Variants in RCAN2 observed in about 807,000 individuals in gnomAD.
The protein encoded by RCAN2 is calcipressin-2.
In RCAN2, 9 loss-of-function variants were observed where a neutral mutation model predicts 23.6. The observed-to-expected ratio is 0.38, with a 90% CI of 0.23 to 0.67. RCAN2 has a LOEUF of 0.67. Among genes scored for constraint, RCAN2 ranks in the 30% least tolerant of loss-of-function variants. RCAN2 has a pLI of 0.51. For synonymous variants in RCAN2, 109 were observed against 115.7 expected (o/e 0.94, Z 0.37); for missense variants, 273 against 302.3 (o/e 0.90, Z 0.72).
At chr6:46,472,017 G>T (rs1208761911) in intron 1 of RCAN2, among the ~76,000 whole-genome samples, 1 of 152,160 alleles carries the variant, frequency 6.6e-6, no homozygotes, top group East Asian at 1.9e-4. Context: ...GCATTGTTCT[G>T]TAAGGAAGTG....
intron 2 of RCAN2, among the ~76,000 whole-genome samples, chr6:46,281,181 G>C (rs1436857255): frequency 6.6e-6 from 1 of 152,130 alleles, no homozygotes; most frequent in African/African-American, 2.4e-5. Flanking sequence ...TGGCAGTAGG[G>C]AATTAGCTTG....
rs1766607442 is a variant in RCAN2, at chr6:46,248,752, C to T, written c.370G>A (p.Gly124Arg). The T allele has an allele frequency of 6.2e-7, 1 of 1,610,198 alleles. No homozygotes were observed. Among genetic ancestry groups the T allele is most frequent in the South Asian group, 1.1e-5 (1 of 90,052 alleles). Residue 124 changes from glycine to arginine, a missense_variant, in exon 3 of 5, where the codon GGG becomes AGG. By Grantham distance (125) the Gly-to-Arg change is moderately radical (BLOSUM62 -2). Coordinates refer to ENST00000371374, the MANE Select transcript of RCAN2 (RefSeq NM_001251974.2). The part of the protein sequence containing the change: ...RIELHETQFR[G>R]KKLKLYFAQV... ...GCAAAGTAGAGCTTTAATTTTTTCC[C>T]TCTGAATTGGGTTTCATGAAGCTCT...
Position 46,484,132 on chromosome 6 carries a change from C to A in RCAN2, c.-3+7041G>T, listed in dbSNP as rs561580450. On this transcript the variant is annotated intron_variant, in intron 1 of 4. Coordinates refer to ENST00000371374, the MANE Select transcript of RCAN2 (RefSeq NM_001251974.2). ...AAATAATCAATTAAATTAATCTAGC[C>A]TGACTTTCAGACAAATTTATGGGGG... Among the ~76,000 whole-genome samples, 4 of 152,290 alleles carry A rather than the reference C, an allele frequency of 2.6e-5. No homozygotes were observed. In the South Asian group the frequency reaches 8.3e-4, roughly 32 times the overall value.
intron 2 of RCAN2, among the ~76,000 whole-genome samples, chr6:46,387,469 T>A (rs932504843): frequency 6.6e-6 from 1 of 152,066 alleles, no homozygotes; most frequent in Non-Finnish European, 1.5e-5. Context: ...TCTCAAAAGA[T>A]GACATTTATG....
intron 2 of RCAN2, among the ~76,000 whole-genome samples, chr6:46,370,065 C>T (rs1376520376): frequency 6.6e-6 from 1 of 152,134 alleles, no homozygotes; most frequent in Non-Finnish European, 1.5e-5. Flanking sequence ...GTTAACAGCT[C>T]TTAACTGACC....
rs796909756 is a variant in RCAN2, at chr6:46,339,238, G to T, written c.226-90342C>A. On this transcript the variant is annotated intron_variant, in intron 2 of 4. Coordinates refer to ENST00000371374, the MANE Select transcript of RCAN2 (RefSeq NM_001251974.2). ...GAAATGAAAAATTATAATATGATGT[G>T]GTATTATGTAATATACTATAAATTA... 8.3e-4 allele frequency among the ~76,000 whole-genome samples: 125 copies of T among 151,464 alleles called. 2 individuals carry two copies. The highest frequency in any genetic ancestry group is 2.8e-3 in the African/African-American group (117 of 41,252).
chr6:46,355,561 C>T (rs1764804888), intron 2 of RCAN2, among the ~76,000 whole-genome samples: 1 of 152,206 alleles, frequency 6.6e-6, no homozygotes, highest in Admixed American at 6.5e-5. Context: ...TCAGCTCAGA[C>T]CCTACAGCTT....
At chr6:46,439,670 G>A (rs1767473567) in intron 2 of RCAN2, among the ~76,000 whole-genome samples, 2 of 152,186 alleles carry the variant, frequency 1.3e-5, no homozygotes, top group African/African-American at 4.8e-5. Flanking sequence ...CACTTGAGCT[G>A]AAAGCCTGGT....
At chr6:46,326,371 AC>A (rs1182398530) in intron 2 of RCAN2, among the ~76,000 whole-genome samples, 2 of 152,204 alleles carry the variant, frequency 1.3e-5, no homozygotes, top group Non-Finnish European at 2.9e-5. Context: ...GGGCAAACTC[AC>A]TGATGTGTCT....
intron 2 of RCAN2, among the ~76,000 whole-genome samples, chr6:46,418,979 T>C (rs545417394): frequency 2.0e-5 from 3 of 151,736 alleles, no homozygotes; most frequent in Admixed American, 2.0e-4. Context: ...TCCTAGCTAC[T>C]TGGGAAGCGG....
chr6:46,353,586 A>C (rs1010587717), intron 2 of RCAN2, among the ~76,000 whole-genome samples: 2 of 152,200 alleles, frequency 1.3e-5, no homozygotes, highest in Non-Finnish European at 2.9e-5. Flanking sequence ...TGTTATGGTT[A>C]CAAATGTCCC....
chr6:46,321,251 C>T (rs1057402492), intron 2 of RCAN2, among the ~76,000 whole-genome samples: 5 of 152,208 alleles, frequency 3.3e-5, no homozygotes, highest in Non-Finnish European at 7.3e-5. Flanking sequence ...GTTCATAGCC[C>T]TCATCACTAG....
chr6:46,334,085 G>C (rs956031656), intron 2 of RCAN2, among the ~76,000 whole-genome samples: 1 of 152,114 alleles, frequency 6.6e-6, no homozygotes, highest in Non-Finnish European at 1.5e-5. Context: ...TTGTGGCAGG[G>C]TTCATCTTTC....
chr6:46,445,925 G>A (rs1180889194), intron 2 of RCAN2, among the ~76,000 whole-genome samples: 1 of 151,944 alleles, frequency 6.6e-6, no homozygotes, highest in Non-Finnish European at 1.5e-5. Flanking sequence ...GGGATTTATA[G>A]GACAGCATCA....
intron 4 of RCAN2, among the ~76,000 whole-genome samples, chr6:46,224,939 C>G (rs912921279): frequency 7.2e-5 from 11 of 151,796 alleles, no homozygotes; most frequent in Non-Finnish European, 1.0e-4. Flanking sequence ...CCCCTTCCCC[C>G]ACCCCATGAC....
intron 2 of RCAN2, among the ~76,000 whole-genome samples, chr6:46,380,425 T>C (rs1765590546): frequency 6.6e-6 from 1 of 152,202 alleles, no homozygotes; most frequent in South Asian, 2.1e-4. Context: ...GCCAAATGTT[T>C]AAAGATGCTA....
At chr6:46,427,210 A>G (rs1021994143) in intron 2 of RCAN2, among the ~76,000 whole-genome samples, 2 of 152,212 alleles carry the variant, frequency 1.3e-5, no homozygotes, top group Non-Finnish European at 2.9e-5. Context: ...CTATACAGTT[A>G]ATACCTTAAA....
At chr6:46,328,695 C>A (rs1763869518) in intron 2 of RCAN2, among the ~76,000 whole-genome samples, 1 of 152,212 alleles carries the variant, frequency 6.6e-6, no homozygotes, top group African/African-American at 2.4e-5. Flanking sequence ...ACTGCAACCA[C>A]CACCTCCTGG....
At chr6:46,339,248 A>T (rs1764232133) in intron 2 of RCAN2, among the ~76,000 whole-genome samples, 1 of 152,102 alleles carries the variant, frequency 6.6e-6, no homozygotes, top group South Asian at 2.1e-4. Flanking sequence ...GGTATTATGT[A>T]ATATACTATA....
Sources: allele counts gnomAD v4.1 joint callset (sites outside exome capture counted in the v4.1 genomes callset), GRCh38; gene constraint gnomAD v4.1.1; transcripts MANE v1.5; gene names NCBI Gene and HGNC (gene_info 2026-07-23, HGNC 2026-07-21).